The following OR2L13 variants were observed in gnomAD, a reference collection of about 807,000 sequenced individuals.
OR2L13 encodes olfactory receptor 2L13.
In OR2L13, 14 loss-of-function variants were observed where a neutral mutation model predicts 15.3. The observed-to-expected ratio is 0.91, with a 90% CI of 0.60 to 1.43. The LOEUF is 1.43. Ranked by LOEUF, OR2L13 falls within the 40% of genes most tolerant of loss-of-function variation. OR2L13 has a pLI of 0.00. For missense variants in OR2L13, 367 were observed against 387.9 expected, an observed-to-expected ratio of 0.95 and a Z score of 0.45; for synonymous variants, 152 against 142.9, an observed-to-expected ratio of 1.06 and a Z score of -0.45.
At chr1:247,948,014 A>G in the OR2L13 span, among the ~76,000 whole-genome samples, 1 of 152,234 alleles carries the variant, frequency 6.6e-6, no homozygotes, top group African/African-American at 2.4e-5. Context: ...CGAGGGTTCA[A>G]AACCAGCCTG....
At chr1:248,084,984 A>C in the OR2L13 span, among the ~76,000 whole-genome samples, 2 of 152,178 alleles carry the variant, frequency 1.3e-5, no homozygotes, top group Admixed American at 1.3e-4. Context: ...ATTTACCAAC[A>C]TCAAAGATTC....
chr1:248,076,470 A>G, the OR2L13 span, among the ~76,000 whole-genome samples: 1 of 152,192 alleles, frequency 6.6e-6, no homozygotes, highest in Non-Finnish European at 1.5e-5. Context: ...GATTCTTCCT[A>G]TCCATGAGCA....
chr1:248,036,282 T>C, the OR2L13 span, among the ~76,000 whole-genome samples: 1 of 152,180 alleles, frequency 6.6e-6, no homozygotes. Context: ...CACTTTCGTA[T>C]TTTGAAACTT....
chr1:248,035,005 A>C, the OR2L13 span, among the ~76,000 whole-genome samples: 1 of 147,134 alleles, frequency 6.8e-6, no homozygotes. Flanking sequence ...AATAAAAATT[A>C]TTTCACTTCT....
chr1:248,099,389 A>G, exon 3 of OR2L13: 1 of 1,607,178 alleles, frequency 6.2e-7, no homozygotes, highest in South Asian at 1.1e-5. Flanking sequence ...GAGAAATGGA[A>G]TCACACTTCA....
chr1:247,965,375 C>T, the OR2L13 span: 1 of 1,605,870 alleles, frequency 6.2e-7, no homozygotes, highest in South Asian at 1.1e-5. Context: ...TTGGTTTCAG[C>T]CATGAAAACA....
chr1:248,081,090 C>T, the OR2L13 span, among the ~76,000 whole-genome samples: 1 of 152,122 alleles, frequency 6.6e-6, no homozygotes, highest in East Asian at 1.9e-4. Flanking sequence ...GACAATGTAT[C>T]TTCAATATAA....
At chr1:248,085,757 T>C in the OR2L13 span, among the ~76,000 whole-genome samples, 14 of 152,158 alleles carry the variant, frequency 9.2e-5, no homozygotes, top group African/African-American at 3.1e-4. Context: ...TTTCTACCAA[T>C]GGGGGTTGTG....
chr1:248,067,924 G>A, the OR2L13 span, among the ~76,000 whole-genome samples: 1 of 152,236 alleles, frequency 6.6e-6, no homozygotes, highest in East Asian at 1.9e-4. Context: ...AAACTGCAAG[G>A]TGGCAGCGAG....
chr1:248,065,197 A>G, the OR2L13 span, among the ~76,000 whole-genome samples: 3 of 152,146 alleles, frequency 2.0e-5, no homozygotes, highest in South Asian at 4.1e-4. Flanking sequence ...CTTTCCATCC[A>G]AATGTTACGC....
the OR2L13 span, among the ~76,000 whole-genome samples, chr1:248,025,773 A>C: frequency 6.6e-6 from 1 of 151,882 alleles, no homozygotes. Context: ...GCAGCCATAA[A>C]AAAGGATGAG....
chr1:248,022,228 T>C, the OR2L13 span: 166 of 1,614,172 alleles, frequency 1.0e-4, no homozygotes, highest in Middle Eastern at 3.3e-4. Flanking sequence ...ATCTCCTTCA[T>C]TGGGTGTGGG....
chr1:248,068,945 A>G, the OR2L13 span, among the ~76,000 whole-genome samples: 2 of 152,136 alleles, frequency 1.3e-5, no homozygotes, highest in South Asian at 2.1e-4. Context: ...AAAGAAATGA[A>G]CAAAGCCTCC....
At chr1:247,949,204 C>T in the OR2L13 span, 11 of 1,614,102 alleles carry the variant, frequency 6.8e-6, no homozygotes, top group Admixed American at 1.8e-4. Context: ...CTTTTGGCAT[C>T]TATGGCCTAT....
exon 3 of OR2L13, chr1:248,099,692 T>C: frequency 6.2e-7 from 1 of 1,614,148 alleles, no homozygotes; most frequent in Non-Finnish European, 8.5e-7. Context: ...TTCCTGACCA[T>C]GGCGTGTTCT....
chr1:248,064,667 T>G, the OR2L13 span, among the ~76,000 whole-genome samples: 1 of 152,198 alleles, frequency 6.6e-6, no homozygotes, highest in Non-Finnish European at 1.5e-5. Flanking sequence ...TATGATTTTC[T>G]GTGACATACC....
chr1:248,061,766 G>A, the OR2L13 span: 2 of 700,154 alleles, frequency 2.9e-6, no homozygotes, highest in Non-Finnish European at 2.3e-6. Flanking sequence ...GGACAAAATT[G>A]TTTTACATAT....
At chr1:247,992,261 A>T in the OR2L13 span, among the ~76,000 whole-genome samples, 7 of 151,630 alleles carry the variant, frequency 4.6e-5, no homozygotes, top group South Asian at 1.0e-3. Context: ...GTAAGAATAC[A>T]GTATATAATA....
chr1:248,100,433 GCAGT>G (rs1250019502), exon 3 of OR2L13: 1 of 470,074 alleles, frequency 2.1e-6, no homozygotes. Context: ...GTACATTTAA[GCAGT>G]CAAATAAATT....
Sources: gnomAD v4.1 joint callset for allele counts (sites outside exome capture counted in the v4.1 genomes callset) on GRCh38, gnomAD v4.1.1 for gene constraint, MANE v1.5 for transcripts, NCBI Gene and HGNC (gene_info 2026-07-23, HGNC 2026-07-21) for gene names.